Variants in PFKL observed in about 807,000 individuals in gnomAD.
PFKL encodes the protein ATP-dependent 6-phosphofructokinase, liver type.
In PFKL, 74 loss-of-function variants were observed where a neutral mutation model predicts 92.1. The observed-to-expected ratio is 0.80, with a 90% CI of 0.67 to 0.97. PFKL has a LOEUF of 0.97. Among genes scored for constraint, PFKL ranks in the 50% least tolerant of loss-of-function variants. The pLI, the probability that PFKL is intolerant of heterozygous loss-of-function variation, is 0.00. For synonymous variants in PFKL, 494 were observed against 456.4 expected (o/e 1.08, Z -1.05); for missense variants, 1,028 against 1,116.6 (o/e 0.92, Z 1.13).
chr21:44,325,462 G>A (rs2047480143), intron 19 of PFKL, 198 bp downstream of exon 19: 1 of 591,498 alleles, frequency 1.7e-6, no homozygotes, highest in Non-Finnish European at 3.0e-6. Context: ...TGGGGCTGGG[G>A]CTGGAGCCGG....
intron 14 of PFKL, among the ~76,000 whole-genome samples, chr21:44,322,421 A>G (rs965913492): frequency 6.6e-6 from 1 of 152,072 alleles, no homozygotes; most frequent in African/African-American, 2.4e-5. Context: ...CCCCATGCCC[A>G]TGGTGGGCTC....
rs2047470652 is a variant in PFKL, at chr21:44,325,255, C to T, written c.1980C>T (p.His660=). 3.1e-6 allele frequency: 5 copies of T among 1,604,918 alleles called. No homozygotes were observed. Among genetic ancestry groups the T allele is most frequent in the Non-Finnish European group, 4.3e-6 (5 of 1,172,396 alleles). The stretch of plus-strand genomic sequence containing the variant: ...ACTGCAGGACCAATGTCCTGGGCCA[C>T]CTGCAGCAGGTGTGGGGCAGGGGTG... The part of the protein sequence containing the change: ...VFDCRTNVLG[H]LQQGGAPTPF... The change falls in exon 19 of 22, where the codon CAC becomes CAT. Residue 660 remains histidine, a synonymous_variant. Coordinates refer to ENST00000349048, the MANE Select transcript of PFKL (RefSeq NM_002626.6).
chr21:44,305,940 G>A, intron 1 of PFKL: 1 of 1,356,438 alleles, frequency 7.4e-7, no homozygotes, highest in Non-Finnish European at 9.8e-7. Flanking sequence ...TGGGGGGTGA[G>A]GGTCCCTGAG....
intron 14 of PFKL, 92 bp downstream of exon 14, chr21:44,322,295 G>A (rs1013064095): frequency 3.9e-5 from 48 of 1,223,354 alleles, no homozygotes; most frequent in African/African-American, 2.8e-4. Flanking sequence ...AACCCAGCCC[G>A]GGGCCCTGGG....
chr21:44,309,033 T>G (rs2146440639), intron 2 of PFKL, among the ~76,000 whole-genome samples: 1 of 152,210 alleles, frequency 6.6e-6, no homozygotes, highest in South Asian at 2.1e-4. Context: ...AGCTATGGGC[T>G]TTAGGCAGAT....
At position 44,326,794 on chromosome 21, in the gene PFKL, G is replaced by T; in HGVS notation, c.2275G>T (p.Ala759Ser). The change falls in exon 22 of 22, where the codon GCC becomes TCC. Residue 759 changes from alanine (A) to serine (S), a missense_variant. Ala to Ser is a moderately conservative substitution (Grantham distance 99). Coordinates refer to ENST00000349048, the MANE Select transcript of PFKL (RefSeq NM_002626.6). ...GCTGGCACAATACCGCATCAGTATG[G>T]CCGCCTACGTGTCAGGGGAGCTGGA... is the stretch of plus-strand genomic sequence containing the variant. ...KMLAQYRISM[A>S]AYVSGELEHV... 6.2e-7 allele frequency: 1 copy of T among 1,609,208 alleles called. No homozygotes were observed. Among genetic ancestry groups the T allele is most frequent in the Non-Finnish European group, 8.5e-7 (1 of 1,178,240 alleles).
chr21:44,303,441 A>AAAAAAAAAGACTTGATCG (rs1555874961), intron 1 of PFKL, among the ~76,000 whole-genome samples: 990 of 97,022 alleles, frequency 0.01, 199 homozygotes, highest in African/African-American at 0.041. Context: ...ACCAAAAAAA[A>AAAAAAAAAGACTTGATCG]AAAAAAAAAA....
intron 6 of PFKL, 115 bp downstream of exon 6, chr21:44,313,797 G>T: frequency 7.5e-7 from 1 of 1,328,562 alleles, no homozygotes; most frequent in Middle Eastern, 2.1e-4. Flanking sequence ...GAGAGAGCCG[G>T]GTGGGGGCCG....
In PFKL at chr21:44,313,962, A is replaced by C. The variant is rs1568954778; in HGVS notation, c.688A>C (p.Ile230Leu). The C allele has an allele frequency of 6.2e-7, 1 of 1,608,294 alleles. No individual in the cohort carries two copies. The highest frequency in any genetic ancestry group is 1.7e-5 in the Admixed American group (1 of 59,312). Residue 230 changes from isoleucine (I) to leucine (L), a missense_variant, in exon 7 of 22, where the codon ATC becomes CTC. Coordinates refer to ENST00000349048, the MANE Select transcript of PFKL (RefSeq NM_002626.6). Reference protein sequence around the residue: ...ALASGADWLFIPEAPPEDGWE... With the variant: ...ALASGADWLFLPEAPPEDGWE... ...GGCCTCAGGGGCCGACTGGCTGTTC[A>C]TCCCCGAGGCTCCACCCGAGGACGG...
chr21:44,300,820 T>A (rs1277500605), intron 1 of PFKL, among the ~76,000 whole-genome samples: 1 of 152,176 alleles, frequency 6.6e-6, no homozygotes, highest in African/African-American at 2.4e-5. Context: ...TTGGCAGAGC[T>A]GGGTGGGGGT....
intron 1 of PFKL, 51 bp from the exon 2 acceptor site, chr21:44,306,630 A>T: frequency 6.7e-7 from 1 of 1,489,404 alleles, no homozygotes; most frequent in Non-Finnish European, 9.2e-7. Flanking sequence ...GAGGGTGTCC[A>T]GGGCCTTGCT....
At chr21:44,305,538 G>T in intron 1 of PFKL, 1 of 954,146 alleles carries the variant, frequency 1.0e-6, no homozygotes, top group Non-Finnish European at 1.4e-6. Flanking sequence ...TATGGGTGCT[G>T]GGAGGGAGGC....
chr21:44,324,529 G>C lies in PFKL; in HGVS notation c.1689G>C (p.Lys563Asn), dbSNP rs2047444738. The stretch of plus-strand genomic sequence containing the variant: ...TCAAACAGTCTGCCTCGGGGACCAA[G>C]CGCCGTGTGTTCATCGTGGAGACCA... ...DRIKQSASGTKRRVFIVETMG... is the reference protein window; with the variant it reads ...DRIKQSASGTNRRVFIVETMG... The change falls in exon 17 of 22, where the codon AAG (lysine) becomes AAC (asparagine). Residue 563 changes from lysine to asparagine, a missense_variant. Lys to Asn is a moderately conservative substitution (Grantham distance 94). Transcript: ENST00000349048. 6.2e-7 allele frequency: 1 copy of C among 1,613,338 alleles called. No individual in the cohort carries two copies. The highest frequency in any genetic ancestry group is 1.7e-5 in the Admixed American group (1 of 59,982).
Position 44,318,556 on chromosome 21 carries a change from C to A in PFKL, c.1023C>A (p.Asn341Lys). 1.3e-6 allele frequency: 2 copies of A among 1,569,580 alleles called. No individual in the cohort carries two copies. Among genetic ancestry groups the A allele is most frequent in the Non-Finnish European group, 1.7e-6 (2 of 1,151,174 alleles). ...CCTGCGTGGTCACCCTCTCGGGGAA[C>A]CAGTCAGTGCGGCTGCCCCTCATGG... ...TPACVVTLSG[N>K]QSVRLPLMEC... Residue 341 changes from asparagine (N) to lysine (K), a missense_variant, in exon 10 of 22, where the codon AAC becomes AAA. Coordinates refer to ENST00000349048, the MANE Select transcript of PFKL (RefSeq NM_002626.6).
intron 1 of PFKL, among the ~76,000 whole-genome samples, chr21:44,303,441 A>AAAAAAAAAAAACCTTGATCG (rs1555874966): frequency 1.0e-5 from 1 of 97,096 alleles, no homozygotes; most frequent in Non-Finnish European, 1.9e-5. Flanking sequence ...ACCAAAAAAA[A>AAAAAAAAAAAACCTTGATCG]AAAAAAAAAA....
In PFKL at chr21:44,324,881, A is replaced by T. The variant is rs1348847351; in HGVS notation, c.1841A>T (p.Lys614Met). 1 of 1,609,068 alleles carries T rather than the reference A, an allele frequency of 6.2e-7. No individual in the cohort carries two copies. Among genetic ancestry groups the T allele is most frequent in the South Asian group, 1.1e-5 (1 of 90,544 alleles). ...LKVNVEHMTEKMKTDIQRGLV... is the reference protein window; with the variant it reads ...LKVNVEHMTEMMKTDIQRGLV... ...GTCAACGTGGAGCACATGACGGAGA[A>T]GATGAAGACAGACATTCAGAGGGGC... The change falls in exon 18 of 22, where the codon AAG becomes ATG. Residue 614 changes from lysine (K) to methionine (M), a missense_variant. Lys to Met is a moderately conservative substitution (Grantham distance 95). Transcript: ENST00000349048.
In PFKL at chr21:44,300,060, C is replaced by A. The variant is rs1467627263; in HGVS notation, c.-46C>A. ...GGGCGGGGCGGGGACGGCGACGCGGCGCAGGCGGCGGGAGTGCGAGCTGGG... is the reference window on the plus strand; with the variant it reads ...GGGCGGGGCGGGGACGGCGACGCGGAGCAGGCGGCGGGAGTGCGAGCTGGG... On this transcript the variant is annotated 5_prime_UTR_variant, in exon 1 of 22. Transcript: ENST00000349048. 19 of 923,922 alleles carry A rather than the reference C, an allele frequency of 2.1e-5. No homozygotes were observed. Among genetic ancestry groups the A allele is most frequent in the Non-Finnish European group, 2.3e-5 (18 of 768,782 alleles). 57.2% of individuals were successfully genotyped at this position (923,922 alleles called of 1,614,324 possible). A position where few individuals can be genotyped will look rare whatever the true frequency, so the allele number is the denominator to read the frequency against.
rs756391835 is a variant in PFKL at position 44,323,892 on chromosome 21, G to A, written c.1624G>A (p.Asp542Asn). The change falls in exon 16 of 22, where the codon GAC becomes AAC. Residue 542 changes from aspartate to asparagine, a missense_variant. Coordinates refer to ENST00000349048, the MANE Select transcript of PFKL (RefSeq NM_002626.6). ...VPGTDFSLGS[D>N]TAVNAAMESC... ...TGGCACCGACTTCAGCCTGGGCTCCGACACTGCTGTAAATGCCGCCATGGA... is the reference window on the plus strand; with the variant it reads ...TGGCACCGACTTCAGCCTGGGCTCCAACACTGCTGTAAATGCCGCCATGGA... 1.9e-6 allele frequency: 3 copies of A among 1,613,468 alleles called. No homozygotes were observed. Among genetic ancestry groups the A allele is most frequent in the South Asian group, 2.2e-5 (2 of 91,082 alleles).
chr21:44,311,171 G>C (rs2047031001), intron 3 of PFKL, 88 bp downstream of exon 3: 11 of 981,074 alleles, frequency 1.1e-5, no homozygotes, highest in Admixed American at 2.2e-5. Flanking sequence ...CACACACACA[G>C]AGACAGACAC....
Sources: allele counts gnomAD v4.1 joint callset (sites outside exome capture counted in the v4.1 genomes callset), GRCh38; gene constraint gnomAD v4.1.1; transcripts MANE v1.5; gene names NCBI Gene and HGNC (gene_info 2026-07-23, HGNC 2026-07-21).